The following OSBP2 variants were observed in gnomAD, a reference collection of about 807,000 sequenced individuals.
OSBP2 encodes the protein oxysterol-binding protein 2.
Under a neutral mutation model 96.0 loss-of-function variants are expected in OSBP2, and 66 were observed. The observed-to-expected ratio is 0.69, with a 90% confidence interval of 0.56 to 0.84. OSBP2 has a LOEUF of 0.84. Ranked by LOEUF, OSBP2 falls within the 40% of genes least tolerant of loss-of-function variation. The pLI is 0.00. For missense variants in OSBP2, 1,038 were observed against 1,222.7 expected, an observed-to-expected ratio of 0.85 and a Z score of 2.25; for synonymous variants, 525 against 520.9, an observed-to-expected ratio of 1.01 and a Z score of -0.11.
chr22:30,815,306 C>A (rs757712065), intron 2 of OSBP2, among the ~76,000 whole-genome samples: 6 of 152,004 alleles, frequency 3.9e-5, no homozygotes, highest in Non-Finnish European at 7.4e-5. Flanking sequence ...AAACAAAAAA[C>A]CTCTTTGGGC....
intron 2 of OSBP2, among the ~76,000 whole-genome samples, chr22:30,849,928 A>G (rs1433565647): frequency 6.6e-6 from 1 of 152,108 alleles, no homozygotes; most frequent in Non-Finnish European, 1.5e-5. Context: ...TTTTTGCCAT[A>G]TGTATATTTA....
At chr22:30,697,522 C>T (rs571930288) in intron 1 of OSBP2, among the ~76,000 whole-genome samples, 1 of 152,250 alleles carries the variant, frequency 6.6e-6, no homozygotes, top group South Asian at 2.1e-4. Context: ...CATGATCTGC[C>T]CGTCTCAGCC....
rs2039886378 is a variant in OSBP2, at chr22:30,889,195, C to T, written c.1437C>T (p.Ser479=). ...TTTCCAGCAGAAAAGCTGAAGGTAG[C>T]ACCGGGACAAGTTCCGTGGACTGGA... The part of the protein sequence containing the change: ...AKEDSRKAEG[S]TGTSSVDWSS... Residue 479 remains serine, a synonymous_variant, in exon 6 of 14, where the codon AGC becomes AGT. Transcript: ENST00000332585. 6.2e-7 allele frequency: 1 copy of T among 1,613,528 alleles called. No homozygotes were observed. The highest frequency in any genetic ancestry group is 1.7e-5 in the Admixed American group (1 of 59,962).
At chr22:30,872,089 G>GGGCA (rs1386118595) in intron 3 of OSBP2, among the ~76,000 whole-genome samples, 1 of 152,206 alleles carries the variant, frequency 6.6e-6, no homozygotes, top group African/African-American at 2.4e-5. Flanking sequence ...GGGGGGTGGG[G>GGGCA]GGCAGTTGGC....
chr22:30,701,277 C>A (rs138415151), intron 1 of OSBP2, among the ~76,000 whole-genome samples: 1 of 152,040 alleles, frequency 6.6e-6, no homozygotes, highest in Admixed American at 6.5e-5. Context: ...GCTGTGAAAA[C>A]TGGGCACCGA....
At chr22:30,884,319 G>T (rs1467777519) in intron 3 of OSBP2, among the ~76,000 whole-genome samples, 3 of 152,180 alleles carry the variant, frequency 2.0e-5, no homozygotes, top group Non-Finnish European at 4.4e-5. Flanking sequence ...TTTGCCGGAT[G>T]AGCGGAGACA....
intron 2 of OSBP2, among the ~76,000 whole-genome samples, chr22:30,779,703 A>G (rs924783912): frequency 2.0e-5 from 3 of 152,160 alleles, no homozygotes; most frequent in Non-Finnish European, 4.4e-5. Context: ...CGCCAGAGAG[A>G]AAAGAAGTAC....
At chr22:30,851,540 C>T (rs192650926) in intron 2 of OSBP2, among the ~76,000 whole-genome samples, 4 of 152,256 alleles carry the variant, frequency 2.6e-5, no homozygotes, top group African/African-American at 4.8e-5. Context: ...GTAAGTAAAA[C>T]CTTTTTCATT....
At chr22:30,822,812 T>C in intron 2 of OSBP2, 1 of 989,184 alleles carries the variant, frequency 1.0e-6, no homozygotes, top group South Asian at 2.1e-5. Flanking sequence ...GAGCCTCTGA[T>C]GTCACTCCCT....
At chr22:30,902,125 CGAA>C in intron 12 of OSBP2, 2 of 232,718 alleles carry the variant, frequency 8.6e-6, no homozygotes, top group East Asian at 5.6e-5. Flanking sequence ...AAAAAAAAAA[CGAA>C]AAAAAAAAAA....
intron 2 of OSBP2, among the ~76,000 whole-genome samples, chr22:30,861,356 C>T (rs957855062): frequency 1.4e-4 from 21 of 152,310 alleles, no homozygotes; most frequent in African/African-American, 4.8e-4. Flanking sequence ...GGAAGCCCTG[C>T]ACCCCTCGCC....
intron 1 of OSBP2, among the ~76,000 whole-genome samples, chr22:30,723,450 G>A (rs5753288): frequency 0.55 from 82,103 of 149,606 alleles, 22,670 homozygotes; most frequent in Non-Finnish European, 0.61. Context: ...GTCTTGCTCC[G>A]TTGCCTAGGC....
intron 2 of OSBP2, among the ~76,000 whole-genome samples, chr22:30,775,621 AAAAC>A (rs2090422381): frequency 1.3e-5 from 2 of 152,180 alleles, no homozygotes; most frequent in South Asian, 4.1e-4. Context: ...TCTGTCTCAA[AAAAC>A]AAACAAACAA....
intron 2 of OSBP2, among the ~76,000 whole-genome samples, chr22:30,800,264 G>A (rs2090830851): frequency 6.6e-6 from 1 of 152,156 alleles, no homozygotes; most frequent in Non-Finnish European, 1.5e-5. Flanking sequence ...AGGAGCTTAC[G>A]AGAGGGGGCA....
intron 2 of OSBP2, among the ~76,000 whole-genome samples, chr22:30,819,466 C>T (rs904396385): frequency 1.3e-5 from 2 of 152,202 alleles, no homozygotes; most frequent in Non-Finnish European, 2.9e-5. Context: ...AAGAACCCAT[C>T]GGTCATCTTA....
chr22:30,760,155 A>C (rs2090189194), intron 2 of OSBP2, among the ~76,000 whole-genome samples: 1 of 145,330 alleles, frequency 6.9e-6, no homozygotes, highest in Non-Finnish European at 1.5e-5. Context: ...GGCGTGAGCC[A>C]CTGCACCCGG....
In OSBP2 at chr22:30,785,291, C is replaced by T. The variant is rs556669057; in HGVS notation, c.853+43922C>T. ...CCATTAATGCTTAATCTTTCCGGCC[C>T]GGCACAGTGGCTTATGCCTGTAATC... On this transcript the variant is annotated intron_variant, in intron 2 of 13. Transcript: ENST00000332585. 4.4e-3 allele frequency among the ~76,000 whole-genome samples: 662 copies of T among 152,080 alleles called. 2 individuals carry two copies. Among genetic ancestry groups the T allele is most frequent in the Non-Finnish European group, 7.4e-3 (501 of 67,984 alleles).
chr22:30,715,005 C>G (rs1266176507), intron 1 of OSBP2, among the ~76,000 whole-genome samples: 1 of 151,892 alleles, frequency 6.6e-6, no homozygotes, highest in Non-Finnish European at 1.5e-5. Flanking sequence ...AATCTCCATA[C>G]TGTTTTCTGT....
chr22:30,761,554 A>G (rs181626603), intron 2 of OSBP2, among the ~76,000 whole-genome samples: 2 of 152,350 alleles, frequency 1.3e-5, no homozygotes, highest in Non-Finnish European at 2.9e-5. Context: ...AAAAAATCCC[A>G]GCAGGACATT....
Sources: gnomAD v4.1 joint callset for allele counts (sites outside exome capture counted in the v4.1 genomes callset) on GRCh38, gnomAD v4.1.1 for gene constraint, MANE v1.5 for transcripts, NCBI Gene and HGNC (gene_info 2026-07-23, HGNC 2026-07-21) for gene names.